The following IGSF10 variants were observed in gnomAD, a reference collection of about 807,000 sequenced individuals.
IGSF10 encodes calvaria mechanical force protein 608.
A neutral mutation model predicts 128.2 loss-of-function variants in IGSF10; 126 were observed. The observed-to-expected ratio is 0.98, with a 90% CI of 0.85 to 1.14. The LOEUF (loss-of-function observed/expected upper bound fraction) is 1.14. IGSF10 is among the 50% of genes most tolerant of loss of function. IGSF10 has a pLI of 0.00. For missense variants in IGSF10, 3,295 were observed against 3,149.8 expected, an observed-to-expected ratio of 1.05 and a Z score of -1.10; for synonymous variants, 1,185 against 1,146.2, an observed-to-expected ratio of 1.03 and a Z score of -0.68.
At chr3:151,552,789 C>A in the IGSF10 span, among the ~76,000 whole-genome samples, 1 of 152,088 alleles carries the variant, frequency 6.6e-6, no homozygotes, top group African/African-American at 2.4e-5. Flanking sequence ...CAGAGATAAG[C>A]AAAAGCAGTT....
the IGSF10 span, among the ~76,000 whole-genome samples, chr3:151,548,022 C>A: frequency 5.7e-4 from 87 of 152,158 alleles, no homozygotes; most frequent in Non-Finnish European, 1.2e-3. Context: ...TGTGACCTTT[C>A]TACTCTCCCA....
the IGSF10 span, among the ~76,000 whole-genome samples, chr3:151,471,034 C>T: frequency 2.8e-3 from 427 of 152,184 alleles, 4 homozygotes; most frequent in African/African-American, 9.8e-3. Flanking sequence ...GTGTCCCCAC[C>T]GAAATCGCAC....
chr3:151,444,842 A>G (rs529447155), intron 6 of IGSF10, 77 bp downstream of exon 6: 1 of 1,346,960 alleles, frequency 7.4e-7, no homozygotes, highest in African/African-American at 1.5e-5. Context: ...GATTCTTTGG[A>G]TGTTTAATCC....
At chr3:151,493,960 G>T in the IGSF10 span, among the ~76,000 whole-genome samples, 1 of 151,900 alleles carries the variant, frequency 6.6e-6, no homozygotes, top group Admixed American at 6.6e-5. Context: ...TTGTTACACA[G>T]CAATAGATGA....
chr3:151,432,731 T>G (rs755508956), downstream of IGSF10: 22 of 1,607,310 alleles, frequency 1.4e-5, no homozygotes, highest in Non-Finnish European at 1.7e-5. Context: ...TAATTTTGGT[T>G]CAATTTATTT....
chr3:151,503,831 G>T, the IGSF10 span, among the ~76,000 whole-genome samples: 1 of 152,016 alleles, frequency 6.6e-6, no homozygotes. Context: ...AGTGCTGCTT[G>T]GTTAGATAGG....
the IGSF10 span, among the ~76,000 whole-genome samples, chr3:151,542,135 G>T: frequency 1.3e-5 from 2 of 151,960 alleles, no homozygotes; most frequent in Non-Finnish European, 2.9e-5. Context: ...CCAGGTTCTG[G>T]CTATCACACA....
In IGSF10 at chr3:151,443,283, C is replaced by G; in HGVS notation, c.5664G>C (p.Gln1888His). Residue 1888 changes from glutamine to histidine, a missense_variant, in exon 7 of 8, where the codon CAG (glutamine) becomes CAC (histidine). Physicochemically the swap from Gln to His is conservative, Grantham distance 24 (BLOSUM62 0). Coordinates refer to ENST00000282466, the MANE Select transcript of IGSF10 (RefSeq NM_178822.5). ...LSDGTEVKPL[Q>H]FTNSKLFLFS... ...ATAAGAACAACTTGGAATTGGTAAACTGTAATGGTTTCACTTCAGTGCCAT... is the reference window on the plus strand; with the variant it reads ...ATAAGAACAACTTGGAATTGGTAAAGTGTAATGGTTTCACTTCAGTGCCAT... 1 of 1,613,224 alleles carries G rather than the reference C, an allele frequency of 6.2e-7. No homozygotes were observed. The highest frequency in any genetic ancestry group is 8.5e-7 in the Non-Finnish European group (1 of 1,179,460).
chr3:151,496,442 G>A, the IGSF10 span, among the ~76,000 whole-genome samples: 6 of 145,344 alleles, frequency 4.1e-5, no homozygotes, highest in South Asian at 2.2e-4. Context: ...GAGAACATGC[G>A]GTGTTTGGTT....
chr3:151,547,021 C>CCG, the IGSF10 span, among the ~76,000 whole-genome samples: 369 of 152,102 alleles, frequency 2.4e-3, 2 homozygotes, highest in African/African-American at 8.1e-3. Context: ...TCCACCCCCC[C>CCG]CTTGGCCTCC....
At chr3:151,481,447 A>C in the IGSF10 span, among the ~76,000 whole-genome samples, 15 of 152,058 alleles carry the variant, frequency 9.9e-5, no homozygotes, top group Non-Finnish European at 8.8e-5. Flanking sequence ...AGCGGTCCTA[A>C]ATTCAAGGCC....
At chr3:151,471,059 A>T in the IGSF10 span, among the ~76,000 whole-genome samples, 1 of 152,106 alleles carries the variant, frequency 6.6e-6, no homozygotes, top group Non-Finnish European at 1.5e-5. Context: ...AATTGTAATA[A>T]TCCCTGTGGG....
At chr3:151,554,523 C>T in the IGSF10 span, among the ~76,000 whole-genome samples, 2 of 147,774 alleles carry the variant, frequency 1.4e-5, no homozygotes, top group Admixed American at 6.6e-5. Context: ...AGTTCATTAC[C>T]TATTTTATCT....
the IGSF10 span, among the ~76,000 whole-genome samples, chr3:151,562,481 C>T: frequency 1.3e-5 from 2 of 152,050 alleles, no homozygotes; most frequent in Non-Finnish European, 2.9e-5. Context: ...GCACAAGATC[C>T]AAGAACCCTC....
chr3:151,546,326 T>G, the IGSF10 span, among the ~76,000 whole-genome samples: 1 of 151,996 alleles, frequency 6.6e-6, no homozygotes, highest in Non-Finnish European at 1.5e-5. Flanking sequence ...CTGATAAATT[T>G]CTATGCTTGT....
rs769104804 is a variant in IGSF10, at chr3:151,443,465, G to T, written c.5482C>A (p.Gln1828Lys). Residue 1828 changes from glutamine (Q) to lysine (K), a missense_variant, in exon 7 of 8, where the codon CAG (glutamine) becomes AAG (lysine). Transcript: ENST00000282466. ...TGTATTTTAACCAGCAGTGAATCCT[G>T]GCCACCTGGGTTGCTGGCCACACAT... ...YKCVASNPGG[Q>K]DSLLVKIQVI... 1 of 1,614,048 alleles carries T rather than the reference G, an allele frequency of 6.2e-7. No individual in the cohort carries two copies. Among genetic ancestry groups the T allele is most frequent in the Non-Finnish European group, 8.5e-7 (1 of 1,180,026 alleles).
chr3:151,534,086 G>C, the IGSF10 span, among the ~76,000 whole-genome samples: 1 of 152,282 alleles, frequency 6.6e-6, no homozygotes, highest in East Asian at 1.9e-4. Context: ...TTAGAGAAAT[G>C]CAAGTCAAAA....
At chr3:151,567,898 G>T in the IGSF10 span, among the ~76,000 whole-genome samples, 1 of 152,048 alleles carries the variant, frequency 6.6e-6, no homozygotes, top group Admixed American at 6.6e-5. Flanking sequence ...GCATTGCTGT[G>T]CCTCCTATTT....
the IGSF10 span, among the ~76,000 whole-genome samples, chr3:151,484,147 G>A: frequency 3.9e-5 from 6 of 152,198 alleles, no homozygotes; most frequent in Non-Finnish European, 1.5e-5. Flanking sequence ...AGGCTTGATA[G>A]GCGGTTTTAC....
Sources: gnomAD v4.1 joint callset for allele counts (sites outside exome capture counted in the v4.1 genomes callset) on GRCh38, gnomAD v4.1.1 for gene constraint, MANE v1.5 for transcripts, NCBI Gene and HGNC (gene_info 2026-07-23, HGNC 2026-07-21) for gene names.